Variants in EDNRA observed in about 807,000 individuals in gnomAD.
The protein encoded by EDNRA is endothelin-1 receptor.
A neutral mutation model predicts 41.4 loss-of-function variants in EDNRA; 11 were observed. The ratio of observed to expected loss-of-function variants is 0.27; its 90% CI spans 0.17 to 0.44. EDNRA has a LOEUF of 0.44. Ranked by LOEUF, EDNRA falls within the 20% of genes least tolerant of loss-of-function variation. The pLI is 1.00. For missense variants in EDNRA, 294 were observed against 531.0 expected, an observed-to-expected ratio of 0.55 and a Z score of 4.39; for synonymous variants, 172 against 183.0, an observed-to-expected ratio of 0.94 and a Z score of 0.49.
intron 2 of EDNRA, chr4:147,506,572 C>T (rs1201933526): frequency 7.1e-6 from 2 of 282,308 alleles, no homozygotes; most frequent in Non-Finnish European, 1.4e-5. Flanking sequence ...CAACACGTTT[C>T]AGACATGCTA....
intron 7 of EDNRA, among the ~76,000 whole-genome samples, chr4:147,541,976 TAG>T (rs558471948): frequency 5.0e-4 from 76 of 152,308 alleles, no homozygotes; most frequent in African/African-American, 1.8e-3. Context: ...AGCCCAAATC[TAG>T]AGAGTCCTGG....
In EDNRA at chr4:147,544,695, G is replaced by T. The variant is rs955982542; in HGVS notation, c.*2077G>T. Reference sequence around the variant, plus strand: ...TTCACACCATTTTGTTTAGACAATTGTCTTTTTTTCAAGATGCTTTGTTTC... The same window carrying T: ...TTCACACCATTTTGTTTAGACAATTTTCTTTTTTTCAAGATGCTTTGTTTC... On this transcript the variant is annotated 3_prime_UTR_variant, in exon 8 of 8. Transcript: ENST00000651419. The T allele has an allele frequency of 6.6e-6, 1 of 152,352 alleles. No individual in the cohort carries two copies. The highest frequency in any genetic ancestry group is 1.9e-4 in the East Asian group (1 of 5,202). The allele number at this position is 152,352 out of a possible 1,614,324, so 9.4% of individuals were successfully genotyped here.
intron 2 of EDNRA, among the ~76,000 whole-genome samples, chr4:147,514,446 G>A (rs1266896488): frequency 6.6e-6 from 1 of 151,312 alleles, no homozygotes; most frequent in Non-Finnish European, 1.5e-5. Context: ...AGGCTACATG[G>A]CCCCAACACG....
intron 3 of EDNRA, 111 bp from the exon 4 acceptor site, chr4:147,532,395 C>A (rs2126474328): frequency 3.4e-4 from 195 of 580,484 alleles, no homozygotes; most frequent in South Asian, 1.5e-3. Flanking sequence ...CCTAAAAAGA[C>A]AATTACTGGT....
intron 2 of EDNRA, chr4:147,487,930 TAA>T (rs1729001877): frequency 6.6e-6 from 1 of 152,256 alleles, no homozygotes; most frequent in African/African-American, 2.4e-5. Context: ...TCTTTTCTTT[TAA>T]AAAGTTTTCT....
chr4:147,519,833 T>C lies in EDNRA; in HGVS notation c.421-18T>C. 1.9e-6 allele frequency: 3 copies of C among 1,612,650 alleles called. No homozygotes were observed. The highest frequency in any genetic ancestry group is 2.5e-6 in the Non-Finnish European group (3 of 1,179,176). On this transcript the variant is annotated intron_variant, in intron 2 of 7. Coordinates refer to ENST00000651419, the MANE Select transcript of EDNRA (RefSeq NM_001957.4). This position sits in a 1 kb window ranked among gnomAD's most constrained non-coding sequence, Gnocchi z 4.1. The stretch of plus-strand genomic sequence containing the variant: ...TGCCAGCTCTACCATTTCTTACCAC[T>C]GTGTCTCCTTCTTTCAGCTGCTGGC...
At chr4:147,497,480 C>T (rs1204730436) in intron 2 of EDNRA, among the ~76,000 whole-genome samples, 1 of 152,082 alleles carries the variant, frequency 6.6e-6, no homozygotes, top group African/African-American at 2.4e-5. Context: ...GCTAGCCGTG[C>T]CTTCAAGTTG....
rs145830146 is a variant in EDNRA at position 147,485,614 on chromosome 4, GAAA to G, written c.-62_-60del. 2.7e-6 allele frequency: 4 copies of G among 1,495,938 alleles called. No homozygotes were observed. The highest frequency in any genetic ancestry group is 1.8e-4 in the Middle Eastern group (1 of 5,554). The allele number at this position is 1,495,938 out of a possible 1,614,324, so 92.7% of individuals were successfully genotyped here. On this transcript the variant is annotated 5_prime_UTR_variant, in exon 2 of 8. Coordinates refer to ENST00000651419, the MANE Select transcript of EDNRA (RefSeq NM_001957.4). ...AATTATTTTTCCTTTTGTTTCAGGT[GAAA>G]AAAAAGTGAAGGTGTAAAAGCAGCA...
In EDNRA at chr4:147,542,528, C is replaced by T. The variant is rs755499432; in HGVS notation, c.1194C>T (p.Val398=). 25 of 1,614,128 alleles carry T rather than the reference C, an allele frequency of 1.5e-5. No individual in the cohort carries two copies. In the Middle Eastern group the frequency reaches 2.8e-3, roughly 181 times the overall value. The change falls in exon 8 of 8, where the codon GTC becomes GTT. Residue 398 remains valine, a synonymous_variant. Coordinates refer to ENST00000651419, the MANE Select transcript of EDNRA (RefSeq NM_001957.4). ...AGTCCAAAAGTCTGATGACCTCGGTCCCCATGAACGGAACAAGCATCCAGT... is the reference window on the plus strand; with the variant it reads ...AGTCCAAAAGTCTGATGACCTCGGTTCCCATGAACGGAACAAGCATCCAGT... ...CYQSKSLMTS[V]PMNGTSIQWK... is the part of the protein sequence containing the mutation.
chr4:147,514,030 T>C lies in EDNRA; in HGVS notation c.421-5821T>C, dbSNP rs148717928. Among the ~76,000 whole-genome samples, 435 of 152,316 alleles carry C rather than the reference T, an allele frequency of 2.9e-3. 2 individuals are homozygous for C. Among genetic ancestry groups the C allele is most frequent in the African/African-American group, 9.9e-3 (411 of 41,564 alleles). On this transcript the variant is annotated intron_variant, in intron 2 of 7. Transcript: ENST00000651419. The stretch of plus-strand genomic sequence containing the variant: ...TTCATGGTTGTGCATAAATGGTACG[T>C]TTCAGTTTACGATTACAAATTATAG...
chr4:147,504,676 G>T (rs192666602), intron 2 of EDNRA, among the ~76,000 whole-genome samples: 1 of 152,006 alleles, frequency 6.6e-6, no homozygotes, highest in South Asian at 2.1e-4. Context: ...GACAACAGCC[G>T]GGTGCGGTGG....
intron 2 of EDNRA, among the ~76,000 whole-genome samples, chr4:147,511,692 T>A (rs1193156153): frequency 6.6e-6 from 1 of 152,212 alleles, no homozygotes; most frequent in Non-Finnish European, 1.5e-5. Context: ...TGGGGATCTC[T>A]GCTATTCTGT....
intron 2 of EDNRA, among the ~76,000 whole-genome samples, chr4:147,517,813 T>A (rs1730167216): frequency 6.6e-6 from 1 of 152,170 alleles, no homozygotes; most frequent in Non-Finnish European, 1.5e-5. Context: ...AGTTAAAAGT[T>A]TAAGGAAGCA....
At chr4:147,517,237 G>A (rs1730146482) in intron 2 of EDNRA, among the ~76,000 whole-genome samples, 1 of 152,158 alleles carries the variant, frequency 6.6e-6, no homozygotes. Flanking sequence ...AGCTCCAAGT[G>A]CTTCTGCTAA....
chr4:147,500,459 T>C (rs1391045633), intron 2 of EDNRA, among the ~76,000 whole-genome samples: 8 of 152,216 alleles, frequency 5.3e-5, no homozygotes, highest in Non-Finnish European at 1.2e-4. Flanking sequence ...GATTCACACC[T>C]GTAATCCCAG....
chr4:147,528,737 A>G (rs1192779140), intron 3 of EDNRA, among the ~76,000 whole-genome samples: 1 of 152,208 alleles, frequency 6.6e-6, no homozygotes, highest in Non-Finnish European at 1.5e-5. Context: ...AAAATGAATC[A>G]GGGTGAGAGA....
At chr4:147,492,642 ACATT>A (rs900727341) in intron 2 of EDNRA, 41 of 146,958 alleles carry the variant, frequency 2.8e-4, no homozygotes, top group Middle Eastern at 3.6e-3. Context: ...ATCAAAATAA[ACATT>A]CATATCACAG....
intron 2 of EDNRA, among the ~76,000 whole-genome samples, chr4:147,499,290 A>G (rs1221574601): frequency 6.6e-6 from 1 of 152,200 alleles, no homozygotes; most frequent in Non-Finnish European, 1.5e-5. Context: ...TTTTGGACTC[A>G]AGTGATCCTC....
Position 147,483,004 on chromosome 4 carries a change from G to A in EDNRA, c.-71+1628G>A, listed in dbSNP as rs918234875. On this transcript the variant is annotated intron_variant, in intron 1 of 7. Coordinates refer to ENST00000651419, the MANE Select transcript of EDNRA (RefSeq NM_001957.4). The stretch of plus-strand genomic sequence containing the variant: ...CCTTTCATTTGGGAAGCTGGAAGAC[G>A]TTAGTCACGAAACAGCACAAGATAT... Among the ~76,000 whole-genome samples, 7 of 152,194 alleles carry A rather than the reference G, an allele frequency of 4.6e-5. No homozygotes were observed. In the East Asian group the frequency reaches 9.6e-4, roughly 21 times the overall value.
Sources: gnomAD v4.1 joint callset for allele counts (sites outside exome capture counted in the v4.1 genomes callset) on GRCh38, gnomAD v4.1.1 for gene constraint, Gnocchi (gnomAD v3.1) non-coding constraint, MANE v1.5 for transcripts, NCBI Gene and HGNC (gene_info 2026-07-23, HGNC 2026-07-21) for gene names.